The following JAZF1 variants were observed in gnomAD, a reference collection of about 807,000 sequenced individuals.
JAZF1 encodes JAZF zinc finger 1, also known as juxtaposed with another zinc finger protein 1.
A neutral mutation model predicts 26.4 loss-of-function variants in JAZF1; 8 were observed. That is an observed-to-expected ratio of 0.30 (90% CI 0.18 to 0.55). The LOEUF (loss-of-function observed/expected upper bound fraction) is 0.55. Among genes scored for constraint, JAZF1 ranks in the 20% least tolerant of loss-of-function variants. JAZF1 has a pLI of 0.94. For synonymous variants in JAZF1, 126 were observed against 122.3 expected (o/e 1.03, Z -0.20); for missense variants, 199 against 322.0 (o/e 0.62, Z 2.92).
chr7:28,079,297 C>T (rs561802833), intron 1 of JAZF1, among the ~76,000 whole-genome samples: 34 of 152,190 alleles, frequency 2.2e-4, no homozygotes, highest in Admixed American at 1.5e-3. Context: ...CCCGGCCATG[C>T]GCATAATTTA....
chr7:27,837,176 CAAAAA>C (rs70977006), intron 4 of JAZF1, among the ~76,000 whole-genome samples: 4 of 152,080 alleles, frequency 2.6e-5, no homozygotes, highest in Admixed American at 6.5e-5. Flanking sequence ...CAAAACAAAA[CAAAAA>C]AACTTTAAAA....
chr7:27,925,102 G>A (rs1296509495), intron 2 of JAZF1, among the ~76,000 whole-genome samples: 1 of 152,120 alleles, frequency 6.6e-6, no homozygotes, highest in Non-Finnish European at 1.5e-5. Flanking sequence ...AACACCTTTG[G>A]AAAATACCTG....
intron 2 of JAZF1, among the ~76,000 whole-genome samples, chr7:27,973,472 A>T (rs74777022): frequency 0.036 from 5,515 of 152,050 alleles, 146 homozygotes; most frequent in Non-Finnish European, 0.055. Context: ...TAATTTAAAA[A>T]TTTTTTTGAA....
chr7:28,015,713 T>C (rs1323310361), intron 1 of JAZF1, among the ~76,000 whole-genome samples: 2 of 152,222 alleles, frequency 1.3e-5, no homozygotes, highest in African/African-American at 2.4e-5. Context: ...GGCATGTGTT[T>C]AGATAAGGAT....
rs887637906 is a variant in JAZF1 at position 28,056,397 on chromosome 7, T to G, written c.116-64416A>C. On this transcript the variant is annotated intron_variant, in intron 1 of 4. Coordinates refer to ENST00000283928, the MANE Select transcript of JAZF1 (RefSeq NM_175061.4). ...TAACTACAAGACTCAAAGGGCAACA[T>G]CACGTGGCAGCTTCATTCCTTGAAC... is the stretch of plus-strand genomic sequence containing the variant. Among the ~76,000 whole-genome samples the G allele has an allele frequency of 2.5e-4, 37 of 150,248 alleles. 1 individual carries two copies. The highest frequency in any genetic ancestry group is 7.6e-4 in the African/African-American group (31 of 40,684).
intron 3 of JAZF1, among the ~76,000 whole-genome samples, chr7:27,850,481 G>A (rs1276273834): frequency 1.3e-5 from 2 of 152,194 alleles, no homozygotes; most frequent in South Asian, 2.1e-4. Context: ...TTGCCAGCCC[G>A]GTGTTGGATT....
At chr7:27,996,138 T>C (rs1344682024) in intron 1 of JAZF1, among the ~76,000 whole-genome samples, 1 of 152,232 alleles carries the variant, frequency 6.6e-6, no homozygotes. Context: ...TCAGGGTTAT[T>C]TGCCTGGTCA....
At chr7:28,050,445 C>A (rs1338741115) in intron 1 of JAZF1, among the ~76,000 whole-genome samples, 1 of 152,110 alleles carries the variant, frequency 6.6e-6, no homozygotes, top group Non-Finnish European at 1.5e-5. Context: ...GAATAGAAAA[C>A]CCCTGAATTG....
intron 2 of JAZF1, among the ~76,000 whole-genome samples, chr7:27,945,133 AT>A (rs1251250212): frequency 6.6e-6 from 1 of 152,078 alleles, no homozygotes; most frequent in South Asian, 2.1e-4. Flanking sequence ...AAGTAAAAAA[AT>A]TTTTTTTTAA....
intron 2 of JAZF1, among the ~76,000 whole-genome samples, chr7:27,960,070 A>T (rs758211392): frequency 5.9e-5 from 9 of 152,234 alleles, no homozygotes; most frequent in Non-Finnish European, 1.0e-4. Context: ...TACTCAGCAT[A>T]AAAATGCATT....
chr7:27,976,792 CT>C (rs376334760), intron 2 of JAZF1, among the ~76,000 whole-genome samples: 2 of 152,102 alleles, frequency 1.3e-5, no homozygotes, highest in Non-Finnish European at 2.9e-5. Context: ...ACACACTCAG[CT>C]AATTATAGCA....
chr7:28,105,085 A>T (rs1428055946), intron 1 of JAZF1, among the ~76,000 whole-genome samples: 1 of 152,202 alleles, frequency 6.6e-6, no homozygotes, highest in East Asian at 1.9e-4. Context: ...GAGATACAGA[A>T]AACTGCATGT....
intron 1 of JAZF1, among the ~76,000 whole-genome samples, chr7:28,095,649 T>C (rs1784371916): frequency 6.6e-6 from 1 of 152,204 alleles, no homozygotes; most frequent in Non-Finnish European, 1.5e-5. Flanking sequence ...TCTGCTCATC[T>C]TCAGTCCACC....
At chr7:28,106,113 T>A (rs372132922) in intron 1 of JAZF1, among the ~76,000 whole-genome samples, 1 of 152,226 alleles carries the variant, frequency 6.6e-6, no homozygotes, top group African/African-American at 2.4e-5. Context: ...ACAGGTTATT[T>A]CAGCGTTTAA....
intron 1 of JAZF1, among the ~76,000 whole-genome samples, chr7:28,019,697 T>C (rs896336804): frequency 6.6e-6 from 1 of 152,180 alleles, no homozygotes; most frequent in Non-Finnish European, 1.5e-5. Flanking sequence ...ATTCACAACA[T>C]GGCATCTTCC....
At chr7:27,985,425 G>C (rs1478894214) in intron 2 of JAZF1, among the ~76,000 whole-genome samples, 1 of 152,150 alleles carries the variant, frequency 6.6e-6, no homozygotes, top group Non-Finnish European at 1.5e-5. Flanking sequence ...TCTGTGAATA[G>C]ACCAATAACA....
intron 1 of JAZF1, among the ~76,000 whole-genome samples, chr7:28,004,508 A>G (rs534177202): frequency 1.8e-4 from 28 of 152,336 alleles, no homozygotes; most frequent in South Asian, 1.0e-3. Flanking sequence ...GAAACTGGAA[A>G]AGGGATAGAG....
At chr7:28,014,005 G>A (rs552068735) in intron 1 of JAZF1, among the ~76,000 whole-genome samples, 1 of 151,726 alleles carries the variant, frequency 6.6e-6, no homozygotes. Context: ...AACTAGGCCA[G>A]AAAACAAACC....
Position 27,905,883 on chromosome 7 carries a change from T to TA in JAZF1, c.189-10468dup, listed in dbSNP as rs1201012761. ...TAACAGAACATAGGAAAAATCTACT[T>TA]AAACTGTTTTGATGAAGAAAAGCCA... On this transcript the variant is annotated intron_variant, in intron 2 of 4. Coordinates refer to ENST00000283928, the MANE Select transcript of JAZF1 (RefSeq NM_175061.4). Among the ~76,000 whole-genome samples, 5 of 152,292 alleles carry TA rather than the reference T, an allele frequency of 3.3e-5. No homozygotes were observed. In the East Asian group the frequency reaches 9.6e-4, roughly 29 times the overall value.
Sources: allele counts gnomAD v4.1 joint callset (sites outside exome capture counted in the v4.1 genomes callset), GRCh38; gene constraint gnomAD v4.1.1; transcripts MANE v1.5; gene names NCBI Gene and HGNC (gene_info 2026-07-23, HGNC 2026-07-21).